ZFAND3: variants seen among roughly 807,000 people sequenced by gnomAD.
The protein encoded by ZFAND3 is AN1-type zinc finger protein 3.
ZFAND3 carries 10 observed loss-of-function variants against 29.6 expected under a neutral mutation model. The ratio of observed to expected loss-of-function variants is 0.34; its 90% CI spans 0.21 to 0.57. ZFAND3 has a LOEUF of 0.57. Among genes scored for constraint, ZFAND3 ranks in the 20% least tolerant of loss-of-function variants. ZFAND3 has a pLI of 0.86. For missense variants in ZFAND3, 230 were observed against 304.5 expected, an observed-to-expected ratio of 0.76 and a Z score of 1.82; for synonymous variants, 128 against 112.6, an observed-to-expected ratio of 1.14 and a Z score of -0.87.
At chr6:38,082,326 G>A in intron 3 of ZFAND3, 66 bp from the exon 4 acceptor site, 1 of 1,425,054 alleles carries the variant, frequency 7.0e-7, no homozygotes, top group Non-Finnish European at 9.7e-7. Context: ...TCTTTACTCA[G>A]GAAAGCAACT....
intron 1 of ZFAND3, among the ~76,000 whole-genome samples, chr6:37,863,399 C>T (rs552511884): frequency 3.3e-5 from 5 of 152,248 alleles, no homozygotes; most frequent in African/African-American, 9.6e-5. Flanking sequence ...CTTTTAAGGA[C>T]CAAAAACCGC....
At chr6:37,835,327 T>G (rs898649619) in intron 1 of ZFAND3, among the ~76,000 whole-genome samples, 5 of 152,056 alleles carry the variant, frequency 3.3e-5, no homozygotes, top group Admixed American at 3.3e-4. Context: ...CTCAGCTAAC[T>G]TAAATTTTTT....
chr6:37,871,090 CT>C (rs1231671124), intron 1 of ZFAND3, among the ~76,000 whole-genome samples: 2 of 152,108 alleles, frequency 1.3e-5, no homozygotes, highest in East Asian at 3.8e-4. Flanking sequence ...TCTCTTAGTT[CT>C]GATTATAGAA....
intron 1 of ZFAND3, among the ~76,000 whole-genome samples, chr6:37,900,725 A>C (rs1253343815): frequency 6.6e-6 from 1 of 152,170 alleles, no homozygotes; most frequent in African/African-American, 2.4e-5. Context: ...TATATCAGTA[A>C]AGAGTTCGTC....
intron 5 of ZFAND3, among the ~76,000 whole-genome samples, chr6:38,141,831 G>A (rs753856441): frequency 1.4e-4 from 22 of 152,188 alleles, no homozygotes; most frequent in Admixed American, 2.6e-4. Flanking sequence ...CAGCTGCACC[G>A]TGTAGGGCAA....
At chr6:37,969,285 G>A (rs902746594) in intron 2 of ZFAND3, among the ~76,000 whole-genome samples, 4 of 152,122 alleles carry the variant, frequency 2.6e-5, no homozygotes, top group African/African-American at 9.7e-5. Flanking sequence ...AGGTATATAG[G>A]GGAATCAAAT....
At chr6:37,963,987 T>C (rs1156762366) in intron 2 of ZFAND3, among the ~76,000 whole-genome samples, 1 of 152,236 alleles carries the variant, frequency 6.6e-6, no homozygotes, top group East Asian at 1.9e-4. Flanking sequence ...TGTTTTTGGC[T>C]TGGGCTAGTG....
At chr6:37,823,619 G>A (rs1054681502) in intron 1 of ZFAND3, among the ~76,000 whole-genome samples, 4 of 152,118 alleles carry the variant, frequency 2.6e-5, no homozygotes, top group Non-Finnish European at 5.9e-5. Context: ...CTTGTAACAC[G>A]TGGTTCCAGT....
intron 2 of ZFAND3, among the ~76,000 whole-genome samples, chr6:37,981,919 C>T (rs981775033): frequency 2.6e-5 from 4 of 152,108 alleles, no homozygotes; most frequent in Middle Eastern, 3.2e-3. Context: ...GTAAGATTTA[C>T]AGTGGTTCAG....
rs1561976739 is a variant in ZFAND3, at chr6:38,041,675, TCTTCTTCTTCTC to T, written c.113-19912_113-19901del. ...TTCTTCTTCTTCTTCTTCTTCTTCT[TCTTCTTCTTCTC>T]CTTCTCCTTCTCCTCCTCCTCCTCC... On this transcript the variant is annotated intron_variant, in intron 2 of 5. Coordinates refer to ENST00000287218, the MANE Select transcript of ZFAND3 (RefSeq NM_021943.3). Among the ~76,000 whole-genome samples, 32 of 22,068 alleles carry T rather than the reference TCTTCTTCTTCTC, an allele frequency of 1.5e-3. 1 individual carries two copies. Among genetic ancestry groups the T allele is most frequent in the Non-Finnish European group, 9.3e-4 (11 of 11,774 alleles). 14.5% of individuals were successfully genotyped at this position (22,068 alleles called of 152,430 possible). A position where few individuals can be genotyped will look rare whatever the true frequency, so the allele number is the denominator to read the frequency against.
chr6:38,012,996 A>G (rs535929379), intron 2 of ZFAND3, among the ~76,000 whole-genome samples: 1 of 152,308 alleles, frequency 6.6e-6, no homozygotes, highest in East Asian at 1.9e-4. Context: ...TACTAGGATT[A>G]TGGATGATTT....
intron 2 of ZFAND3, among the ~76,000 whole-genome samples, chr6:38,019,664 T>A (rs1452653465): frequency 6.6e-6 from 1 of 152,208 alleles, no homozygotes; most frequent in Non-Finnish European, 1.5e-5. Flanking sequence ...CTTTTTATAG[T>A]TAACTAGGCT....
At chr6:38,080,378 C>T (rs1281841974) in intron 3 of ZFAND3, among the ~76,000 whole-genome samples, 14 of 151,918 alleles carry the variant, frequency 9.2e-5, no homozygotes, top group Admixed American at 7.9e-4. Flanking sequence ...ACTTAATGAA[C>T]GTTATTAAGC....
At chr6:38,134,055 G>A (rs370536454) in intron 5 of ZFAND3, among the ~76,000 whole-genome samples, 86 of 152,304 alleles carry the variant, frequency 5.6e-4, no homozygotes, top group African/African-American at 2.0e-3. Context: ...GTACCTGACT[G>A]TGAGAACCAC....
At chr6:38,130,865 A>G (rs1436488334) in intron 5 of ZFAND3, among the ~76,000 whole-genome samples, 1 of 152,096 alleles carries the variant, frequency 6.6e-6, no homozygotes, top group African/African-American at 2.4e-5. Context: ...ATCTTGTGGA[A>G]TAGTGTCAAT....
At position 37,895,999 on chromosome 6, in the gene ZFAND3, A is replaced by G. The variant is rs1013137458; in HGVS notation, c.72-33960A>G. Among the ~76,000 whole-genome samples, 7 of 152,272 alleles carry G rather than the reference A, an allele frequency of 4.6e-5. 2 individuals carry two copies. Among genetic ancestry groups the G allele is most frequent in the Admixed American group, 4.6e-4 (7 of 15,298 alleles). On this transcript the variant is annotated intron_variant, in intron 1 of 5. Coordinates refer to ENST00000287218, the MANE Select transcript of ZFAND3 (RefSeq NM_021943.3). Reference sequence around the variant, plus strand: ...CACTATTCTAGGCCCTGTGTAAGCTATGGCATTTGTTCCCTCTAGTTATTT... The same window carrying G: ...CACTATTCTAGGCCCTGTGTAAGCTGTGGCATTTGTTCCCTCTAGTTATTT...
intron 4 of ZFAND3, among the ~76,000 whole-genome samples, chr6:38,104,443 GAGA>G (rs2127479502): frequency 6.6e-6 from 1 of 150,766 alleles, no homozygotes; most frequent in East Asian, 2.3e-4. Flanking sequence ...TGCTAATGGG[GAGA>G]AGTTTTTTTT....
At chr6:37,845,472 A>G (rs1240651953) in intron 1 of ZFAND3, among the ~76,000 whole-genome samples, 2 of 152,230 alleles carry the variant, frequency 1.3e-5, no homozygotes, top group Non-Finnish European at 2.9e-5. Context: ...TTTTAATGAT[A>G]CAGATAAGAA....
rs145118014 is a variant in ZFAND3 at position 38,020,132 on chromosome 6, T to A, written c.113-41461T>A. Among the ~76,000 whole-genome samples, 13 of 152,360 alleles carry A rather than the reference T, an allele frequency of 8.5e-5. No individual in the cohort carries two copies. The East Asian group carries it at 2.3e-3, about 27-fold the overall frequency. ...ATGGGCAAATCATAGCTTTGTTACC[T>A]AACTGCTGTGTGAGATAGACAGATT... On this transcript the variant is annotated intron_variant, in intron 2 of 5. Transcript: ENST00000287218.
Sources: allele counts gnomAD v4.1 joint callset (sites outside exome capture counted in the v4.1 genomes callset), GRCh38; gene constraint gnomAD v4.1.1; transcripts MANE v1.5; gene names NCBI Gene and HGNC (gene_info 2026-07-23, HGNC 2026-07-21).